GAS2: variants seen among roughly 807,000 people sequenced by gnomAD.
GAS2 encodes the protein growth arrest specific 2, also known as growth arrest-specific protein 2.
GAS2 carries 20 observed loss-of-function variants against 37.5 expected under a neutral mutation model. That is an observed-to-expected ratio of 0.53 (90% confidence interval 0.37 to 0.77). GAS2 has a LOEUF of 0.77. Ranked by LOEUF, GAS2 falls within the 30% of genes least tolerant of loss-of-function variation. GAS2 has a pLI of 0.00. For missense variants in GAS2, 336 were observed against 373.4 expected (o/e 0.90, Z 0.82); for synonymous variants, 144 against 132.2 (o/e 1.09, Z -0.61).
chr11:22,648,368 G>C (rs1351855702), intron 1 of GAS2, among the ~76,000 whole-genome samples: 19 of 152,206 alleles, frequency 1.2e-4, no homozygotes, highest in Admixed American at 1.2e-3. Flanking sequence ...GATGCCTCTA[G>C]CTTTGTTATT....
chr11:22,807,120 A>C (rs1241186377), intron 7 of GAS2, among the ~76,000 whole-genome samples: 1 of 152,186 alleles, frequency 6.6e-6, no homozygotes, highest in Non-Finnish European at 1.5e-5. Flanking sequence ...GCAAAGAAAA[A>C]AGAAAAAACG....
At chr11:22,786,360 G>C (rs1855817683) in intron 7 of GAS2, among the ~76,000 whole-genome samples, 1 of 152,078 alleles carries the variant, frequency 6.6e-6, no homozygotes, top group Non-Finnish European at 1.5e-5. Context: ...GGTTTTTGAA[G>C]ATTAACCAAT....
At chr11:22,626,131 T>C (rs1467751887) in intron 1 of GAS2, 1 of 280,908 alleles carries the variant, frequency 3.6e-6, no homozygotes, top group Admixed American at 5.9e-5. Context: ...GAAATATCCT[T>C]AAGTAGAAAT....
At chr11:22,649,164 A>G (rs990048546) in intron 1 of GAS2, among the ~76,000 whole-genome samples, 1 of 150,950 alleles carries the variant, frequency 6.6e-6, no homozygotes, top group African/African-American at 2.4e-5. Context: ...TTCTGCATCT[A>G]TTGAGATAAT....
At chr11:22,796,176 T>A (rs2134608669) in intron 7 of GAS2, among the ~76,000 whole-genome samples, 1 of 152,302 alleles carries the variant, frequency 6.6e-6, no homozygotes, top group Admixed American at 6.5e-5. Context: ...GCATTGGAAA[T>A]CTGGGGTGGG....
chr11:22,802,902 T>C (rs1432129319), intron 7 of GAS2, among the ~76,000 whole-genome samples: 1 of 152,130 alleles, frequency 6.6e-6, no homozygotes, highest in Admixed American at 6.6e-5. Context: ...TAATTGCCTA[T>C]GTATTCAGTA....
intron 1 of GAS2, among the ~76,000 whole-genome samples, chr11:22,632,345 G>C (rs1255229335): frequency 1.3e-5 from 2 of 152,124 alleles, no homozygotes; most frequent in African/African-American, 4.8e-5. Context: ...TTGGCTGATA[G>C]TTATTCTGTT....
intron 2 of GAS2, among the ~76,000 whole-genome samples, chr11:22,676,400 T>C (rs188304660): frequency 1.1e-3 from 171 of 152,264 alleles, no homozygotes; most frequent in Non-Finnish European, 2.3e-3. Context: ...TTTTCAGATA[T>C]AGGCAATCAC....
rs1451574561 is a variant in GAS2 at position 22,812,043 on chromosome 11, CT to C, written c.*28del. On this transcript the variant is annotated 3_prime_UTR_variant, in exon 8 of 8. Transcript: ENST00000454584. ...ACAAATTGGTCATGACAAGGGGACC[CT>C]CATAATGGCCTGTATCCACTTCTCC... 6.6e-7 allele frequency: 1 copy of C among 1,522,186 alleles called. No individual in the cohort carries two copies. Among genetic ancestry groups the C allele is most frequent in the East Asian group, 2.3e-5 (1 of 44,390 alleles). 94.3% of individuals were successfully genotyped at this position (1,522,186 alleles called of 1,614,324 possible).
intron 6 of GAS2, 168 bp from the exon 7 acceptor site, chr11:22,755,678 C>A: frequency 3.8e-6 from 2 of 529,900 alleles, no homozygotes; most frequent in Middle Eastern, 6.6e-4. Flanking sequence ...GGGGCCTGAA[C>A]TTTACATGGT....
At chr11:22,744,726 G>A (rs1356068958) in intron 5 of GAS2, among the ~76,000 whole-genome samples, 2 of 152,072 alleles carry the variant, frequency 1.3e-5, no homozygotes, top group African/African-American at 4.8e-5. Flanking sequence ...AAAACTGGAA[G>A]CATTTCCCTT....
At chr11:22,756,017 A>G in intron 7 of GAS2, 64 bp downstream of exon 7, 1 of 1,134,316 alleles carries the variant, frequency 8.8e-7, no homozygotes, top group Non-Finnish European at 1.3e-6. Context: ...GTTAGGGGAA[A>G]TATGACAGAT....
chr11:22,685,162 T>G (rs1849879425), intron 2 of GAS2, among the ~76,000 whole-genome samples: 1 of 149,418 alleles, frequency 6.7e-6, no homozygotes, highest in South Asian at 2.1e-4. Flanking sequence ...TACAATCCTG[T>G]AGAGAGAGAG....
At chr11:22,734,776 C>T (rs1216489276) in intron 4 of GAS2, among the ~76,000 whole-genome samples, 1 of 151,598 alleles carries the variant, frequency 6.6e-6, no homozygotes, top group Non-Finnish European at 1.5e-5. Flanking sequence ...AATAATATGA[C>T]CAGCAAGTAT....
chr11:22,643,944 T>G (rs1170414960), intron 1 of GAS2, among the ~76,000 whole-genome samples: 1 of 152,164 alleles, frequency 6.6e-6, no homozygotes, highest in African/African-American at 2.4e-5. Flanking sequence ...CATATTTTTT[T>G]CATTATTTCT....
At chr11:22,658,895 A>G (rs1422770509) in intron 1 of GAS2, among the ~76,000 whole-genome samples, 12 of 152,226 alleles carry the variant, frequency 7.9e-5, no homozygotes, top group Non-Finnish European at 1.6e-4. Flanking sequence ...TGAAATTACG[A>G]AAGCCCAATT....
chr11:22,772,875 A>G (rs1284243700), intron 7 of GAS2, among the ~76,000 whole-genome samples: 1 of 152,222 alleles, frequency 6.6e-6, no homozygotes, highest in African/African-American at 2.4e-5. Context: ...AGAGCAAAGC[A>G]TGCTTCCTGC....
chr11:22,770,306 C>T (rs973455760), intron 7 of GAS2, among the ~76,000 whole-genome samples: 1 of 152,124 alleles, frequency 6.6e-6, no homozygotes, highest in Admixed American at 6.6e-5. Flanking sequence ...CTGGAACTTA[C>T]ATAAAGTTTA....
intron 7 of GAS2, among the ~76,000 whole-genome samples, chr11:22,786,803 G>C (rs1056159043): frequency 6.6e-6 from 1 of 152,114 alleles, no homozygotes. Flanking sequence ...ACACTGTTAG[G>C]TATTTTCAGT....
Sources: gnomAD v4.1 joint callset for allele counts (sites outside exome capture counted in the v4.1 genomes callset) on GRCh38, gnomAD v4.1.1 for gene constraint, MANE v1.5 for transcripts, NCBI Gene and HGNC (gene_info 2026-07-23, HGNC 2026-07-21) for gene names.